Variants in RBM27 observed in about 807,000 individuals in gnomAD.
RBM27 encodes the protein RNA-binding protein 27.
RBM27 carries 22 observed loss-of-function variants against 135.3 expected under a neutral mutation model. That is an observed-to-expected ratio of 0.16 (90% CI 0.12 to 0.23). The LOEUF (loss-of-function observed/expected upper bound fraction) is 0.23, where lower values mean the gene tolerates loss of function less well. Ranked by LOEUF, RBM27 falls within the 10% of genes least tolerant of loss-of-function variation. RBM27 has a pLI of 1.00. For missense variants in RBM27, 1,009 were observed against 1,281.0 expected, an observed-to-expected ratio of 0.79 and a Z score of 3.24; for synonymous variants, 481 against 442.4, an observed-to-expected ratio of 1.09 and a Z score of -1.10.
Position 146,255,108 on chromosome 5 carries a change from A to G in RBM27, c.1594+16A>G. The stretch of plus-strand genomic sequence containing the variant: ...AATCCAAGAGGTGAGAATACCTTGA[A>G]CTTTTTCTGATGCTAAGTGTTATGC... On this transcript the variant is annotated intron_variant, in intron 10 of 20. Transcript: ENST00000265271. The G allele has an allele frequency of 1.2e-6, 2 of 1,600,142 alleles. No individual in the cohort carries two copies. The highest frequency in any genetic ancestry group is 1.3e-5 in the African/African-American group (1 of 74,568).
At chr5:146,269,912 G>T (rs933285472) in intron 17 of RBM27, among the ~76,000 whole-genome samples, 1 of 152,016 alleles carries the variant, frequency 6.6e-6, no homozygotes, top group Non-Finnish European at 1.5e-5. Flanking sequence ...TAGATGCTCT[G>T]TACCCTTTTT....
chr5:146,206,575 ATTTG>A (rs1755679401), intron 1 of RBM27, among the ~76,000 whole-genome samples: 1 of 146,968 alleles, frequency 6.8e-6, no homozygotes. Flanking sequence ...AAAATACTTT[ATTTG>A]TTTGTTTATT....
At chr5:146,226,844 A>G (rs1387007137) in intron 3 of RBM27, among the ~76,000 whole-genome samples, 3 of 152,170 alleles carry the variant, frequency 2.0e-5, no homozygotes, top group African/African-American at 7.2e-5. Context: ...CTCATTTTCT[A>G]AGTTTTAGAA....
chr5:146,285,812 A>C (rs1375987819), intron 20 of RBM27, 135 bp from the exon 21 acceptor site: 11 of 532,824 alleles, frequency 2.1e-5, no homozygotes, highest in Non-Finnish European at 3.2e-5. Context: ...TTTTGCCCTG[A>C]AAGATACTCT....
intron 1 of RBM27, among the ~76,000 whole-genome samples, chr5:146,214,234 T>C (rs1325625269): frequency 1.3e-5 from 2 of 152,224 alleles, no homozygotes; most frequent in Non-Finnish European, 2.9e-5. Context: ...CTCCATGTTA[T>C]AATAAAAGTC....
intron 8 of RBM27, among the ~76,000 whole-genome samples, chr5:146,247,221 G>A (rs1019355806): frequency 6.6e-6 from 1 of 151,998 alleles, no homozygotes; most frequent in African/African-American, 2.4e-5. Flanking sequence ...TTAATGACAT[G>A]ATTGTTTTAG....
chr5:146,237,270 C>T (rs770411100), intron 7 of RBM27, 28 bp from the exon 8 acceptor site: 4 of 1,613,348 alleles, frequency 2.5e-6, no homozygotes, highest in Non-Finnish European at 3.4e-6. Flanking sequence ...TAATGCTGTA[C>T]TTTTCACTTT....
rs943959806 is a variant in RBM27, at chr5:146,286,809, GCTTTCACCTATTGCCC to G, written c.*785_*800del. Reference sequence around the variant, plus strand: ...ATTTTTATAACTCAGAATGTAAAAGGCTTTCACCTATTGCCCCTTTCTCGTCCCCCTTTTCTTCCTC... The same window carrying G: ...ATTTTTATAACTCAGAATGTAAAAGGCTTTCTCGTCCCCCTTTTCTTCCTC... On this transcript the variant is annotated 3_prime_UTR_variant, in exon 21 of 21. Transcript: ENST00000265271. The G allele has an allele frequency of 1.3e-5, 2 of 152,102 alleles. No individual in the cohort carries two copies. Among genetic ancestry groups the G allele is most frequent in the African/African-American group, 4.8e-5 (2 of 41,392 alleles). The allele number at this position is 152,102 out of a possible 1,614,324, so 9.4% of individuals were successfully genotyped here. A position where few individuals can be genotyped will look rare whatever the true frequency, so the allele number is the denominator to read the frequency against.
In RBM27 at chr5:146,261,567, G is replaced by A; in HGVS notation, c.1951G>A (p.Ala651Thr). The A allele has an allele frequency of 6.2e-7, 1 of 1,614,172 alleles. No individual in the cohort carries two copies. The highest frequency in any genetic ancestry group is 8.5e-7 in the Non-Finnish European group (1 of 1,180,012). Residue 651 changes from alanine to threonine, a missense_variant, in exon 13 of 21, where the codon GCC becomes ACC. By Grantham distance (58) the Ala-to-Thr change is moderately conservative. Coordinates refer to ENST00000265271, the MANE Select transcript of RBM27 (RefSeq NM_018989.2). ...AATCCAATATCTTACCAATGAGGAG[G>A]CCAGGAAAGCCATTTCTAGCACAGA... ...ALIQYLTNEE[A>T]RKAISSTEAV... is the part of the protein sequence containing the mutation.
chr5:146,279,398 G>C, intron 19 of RBM27, among the ~76,000 whole-genome samples: 1 of 151,494 alleles, frequency 6.6e-6, no homozygotes. Context: ...AGTGAGCCGA[G>C]ATCGCGCCAC....
intron 1 of RBM27, among the ~76,000 whole-genome samples, chr5:146,217,756 G>GTTTGTTTGTTTT (rs888019944): frequency 6.6e-6 from 1 of 151,426 alleles, no homozygotes; most frequent in African/African-American, 2.4e-5. Flanking sequence ...TTGTTTGTTT[G>GTTTGTTTGTTTT]TTTGTTTGTT....
chr5:146,205,050 A>G (rs1406050438), intron 1 of RBM27, among the ~76,000 whole-genome samples: 1 of 152,162 alleles, frequency 6.6e-6, no homozygotes, highest in Non-Finnish European at 1.5e-5. Context: ...GGCGCGCGCC[A>G]CCACGCCCAG....
At chr5:146,225,544 GCCTTTCTGTTTTTTA>G (rs1441950496) in intron 3 of RBM27, among the ~76,000 whole-genome samples, 22 of 151,070 alleles carry the variant, frequency 1.5e-4, no homozygotes, top group Admixed American at 7.3e-4. Flanking sequence ...ATAGGAAGAA[GCCTTTCTGTTTTTTA>G]CCTTTCTGTT....
intron 1 of RBM27, among the ~76,000 whole-genome samples, chr5:146,218,230 A>G (rs544201003): frequency 7.2e-5 from 11 of 152,328 alleles, no homozygotes; most frequent in Non-Finnish European, 1.0e-4. Flanking sequence ...ACAGATTACT[A>G]TACATCAGGA....
rs191700915 is a variant in RBM27, at chr5:146,212,742, C to T, written c.60-6243C>T. On this transcript the variant is annotated intron_variant, in intron 1 of 20. Coordinates refer to ENST00000265271, the MANE Select transcript of RBM27 (RefSeq NM_018989.2). Reference sequence around the variant, plus strand: ...ATATATTTTTTGAGATGGAGTCTTGCTTTATTGCCCAGGCTGGAGTGCAGT... The same window carrying T: ...ATATATTTTTTGAGATGGAGTCTTGTTTTATTGCCCAGGCTGGAGTGCAGT... Among the ~76,000 whole-genome samples the T allele has an allele frequency of 2.6e-5, 4 of 152,056 alleles. No homozygotes were observed. In the East Asian group the frequency reaches 5.8e-4, roughly 22 times the overall value.
At chr5:146,219,851 CTGTTT>C (rs1017790524) in intron 2 of RBM27, among the ~76,000 whole-genome samples, 3 of 151,920 alleles carry the variant, frequency 2.0e-5, no homozygotes, top group Non-Finnish European at 2.9e-5. Context: ...CCTTCCAACC[CTGTTT>C]TGTTTTATTT....
chr5:146,254,263 T>C (rs1409991331), intron 9 of RBM27, among the ~76,000 whole-genome samples: 1 of 152,120 alleles, frequency 6.6e-6, no homozygotes, highest in African/African-American at 2.4e-5. Flanking sequence ...AAGACCAGCC[T>C]GGGCAAGATA....
At position 146,259,979 on chromosome 5, in the gene RBM27, C is replaced by CAAAAAA. The variant is rs34781548; in HGVS notation, c.1740-743_1740-738dup. ...TGGGCGACAGAGCGAGACTCCGTCT[C>CAAAAAA]AAAAAAAAAAAAAAAAAAAAAAAAA... On this transcript the variant is annotated intron_variant, in intron 11 of 20. Coordinates refer to ENST00000265271, the MANE Select transcript of RBM27 (RefSeq NM_018989.2). Among the ~76,000 whole-genome samples, 10 of 35,286 alleles carry CAAAAAA rather than the reference C, an allele frequency of 2.8e-4. 1 individual carries two copies. Among genetic ancestry groups the CAAAAAA allele is most frequent in the African/African-American group, 1.6e-3 (9 of 5,666 alleles). The allele number at this position is 35,286 out of a possible 152,430, so 23.1% of individuals were successfully genotyped here. A position where few individuals can be genotyped will look rare whatever the true frequency, so the allele number is the denominator to read the frequency against.
intron 9 of RBM27, among the ~76,000 whole-genome samples, chr5:146,253,567 G>A (rs879686905): frequency 1.7e-4 from 26 of 151,870 alleles, no homozygotes; most frequent in Non-Finnish European, 2.6e-4. Context: ...TGAAAAAAGG[G>A]GAAAAATGGG....
Sources: gnomAD v4.1 joint callset for allele counts (sites outside exome capture counted in the v4.1 genomes callset) on GRCh38, gnomAD v4.1.1 for gene constraint, MANE v1.5 for transcripts, NCBI Gene and HGNC (gene_info 2026-07-23, HGNC 2026-07-21) for gene names.